The following HIP1 variants were observed in gnomAD, a reference collection of about 807,000 sequenced individuals.
HIP1 encodes the protein huntingtin-interacting protein 1.
Under a neutral mutation model 147.6 loss-of-function variants are expected in HIP1, and 65 were observed. That is an observed-to-expected ratio of 0.44 (90% confidence interval 0.36 to 0.54). The LOEUF is 0.54. Among genes scored for constraint, HIP1 ranks in the 20% least tolerant of loss-of-function variants. The pLI, the probability that HIP1 is intolerant of heterozygous loss-of-function variation, is 0.00. For missense variants in HIP1, 1,061 were observed against 1,299.6 expected (o/e 0.82, Z 2.82); for synonymous variants, 479 against 504.0 (o/e 0.95, Z 0.67).
chr7:75,561,497 A>G (rs1183684583), intron 12 of HIP1, 96 bp from the exon 13 acceptor site: 1 of 813,694 alleles, frequency 1.2e-6, no homozygotes, highest in African/African-American at 1.7e-5. Flanking sequence ...GCTGGTATTA[A>G]TTTGGGGACA....
chr7:75,699,641 C>T (rs1369688867), intron 1 of HIP1, among the ~76,000 whole-genome samples: 1 of 152,216 alleles, frequency 6.6e-6, no homozygotes, highest in Non-Finnish European at 1.5e-5. Context: ...GCCTCTGCTG[C>T]AGAGTGGTCT....
intron 1 of HIP1, among the ~76,000 whole-genome samples, chr7:75,634,158 G>A (rs1554509317): frequency 6.6e-6 from 1 of 152,074 alleles, no homozygotes; most frequent in African/African-American, 2.4e-5. Flanking sequence ...TACTTGGGAG[G>A]CCGAGATGGG....
At chr7:75,648,734 G>A (rs76362633) in intron 1 of HIP1, among the ~76,000 whole-genome samples, 9,008 of 152,164 alleles carry the variant, frequency 0.059, 358 homozygotes, top group Middle Eastern at 0.11. Context: ...GACATGAGAC[G>A]TGCTGTGGGA....
At chr7:75,633,479 G>C (rs1798310135) in intron 1 of HIP1, among the ~76,000 whole-genome samples, 2 of 152,066 alleles carry the variant, frequency 1.3e-5, no homozygotes, top group African/African-American at 4.8e-5. Flanking sequence ...TTTTAGTAGA[G>C]ATGGGTTTCA....
chr7:75,710,738 T>G (rs1801145113), intron 1 of HIP1, among the ~76,000 whole-genome samples: 1 of 152,180 alleles, frequency 6.6e-6, no homozygotes, highest in Non-Finnish European at 1.5e-5. Context: ...CACTGCTACC[T>G]GGGCAATACG....
chr7:75,666,752 C>A (rs1198819332), intron 1 of HIP1, among the ~76,000 whole-genome samples: 1 of 152,060 alleles, frequency 6.6e-6, no homozygotes, highest in African/African-American at 2.4e-5. Flanking sequence ...CAGTTCCCGA[C>A]CCCAAGAACG....
intron 1 of HIP1, among the ~76,000 whole-genome samples, chr7:75,706,677 A>G: frequency 9.1e-6 from 1 of 109,994 alleles, no homozygotes; most frequent in East Asian, 2.5e-4. Context: ...ACATGTGCAC[A>G]TTGTGCAGGT....
chr7:75,607,228 G>T (rs56212575), intron 1 of HIP1, among the ~76,000 whole-genome samples: 12,229 of 139,014 alleles, frequency 0.088, 1,032 homozygotes, highest in African/African-American at 0.22. Flanking sequence ...GTTGTTTTTT[G>T]TTTTGTTTTT....
intron 1 of HIP1, among the ~76,000 whole-genome samples, chr7:75,714,990 A>C (rs1411612352): frequency 6.6e-6 from 1 of 151,970 alleles, no homozygotes; most frequent in Non-Finnish European, 1.5e-5. Context: ...CATGACCTTC[A>C]CACTTTGGAA....
intron 1 of HIP1, among the ~76,000 whole-genome samples, chr7:75,649,594 C>T (rs1798908619): frequency 6.6e-6 from 1 of 152,104 alleles, no homozygotes; most frequent in Non-Finnish European, 1.5e-5. Flanking sequence ...GCCTGGGCCC[C>T]GCCCCAGGGA....
At chr7:75,624,115 G>A (rs1461480820) in intron 1 of HIP1, among the ~76,000 whole-genome samples, 12 of 152,134 alleles carry the variant, frequency 7.9e-5, no homozygotes, top group African/African-American at 2.7e-4. Flanking sequence ...CACAGACCTC[G>A]CTGATCTCAG....
At chr7:75,591,740 AG>A (rs1563227165) in intron 4 of HIP1, among the ~76,000 whole-genome samples, 1 of 150,702 alleles carries the variant, frequency 6.6e-6, no homozygotes, top group Non-Finnish European at 1.5e-5. Flanking sequence ...AAAAAAAAAA[AG>A]CAGGAAACAT....
At chr7:75,692,158 C>T (rs1321243582) in intron 1 of HIP1, among the ~76,000 whole-genome samples, 1 of 152,184 alleles carries the variant, frequency 6.6e-6, no homozygotes, top group Non-Finnish European at 1.5e-5. Flanking sequence ...CAATTCCACT[C>T]CCCAAAGGCA....
intron 1 of HIP1, among the ~76,000 whole-genome samples, chr7:75,617,879 A>G (rs1554506389): frequency 6.6e-6 from 1 of 152,212 alleles, no homozygotes; most frequent in African/African-American, 2.4e-5. Flanking sequence ...CCCATTCATC[A>G]TAGTCACTGG....
chr7:75,541,484 T>G (rs1235211835), intron 29 of HIP1, among the ~76,000 whole-genome samples: 45 of 146,628 alleles, frequency 3.1e-4, no homozygotes, highest in African/African-American at 1.0e-3. Flanking sequence ...TGAGCCGAGA[T>G]CACACCACTG....
intron 22 of HIP1, 107 bp from the exon 23 acceptor site, chr7:75,549,108 C>T: frequency 1.3e-6 from 1 of 759,616 alleles, no homozygotes; most frequent in Non-Finnish European, 2.3e-6. Context: ...ACCCAGCAAA[C>T]ACCTTCTGCA....
chr7:75,643,329 C>T (rs1256196145), intron 1 of HIP1, among the ~76,000 whole-genome samples: 3 of 152,152 alleles, frequency 2.0e-5, no homozygotes, highest in Non-Finnish European at 2.9e-5. Flanking sequence ...TTTCATTTCA[C>T]CCTTAAAAAG....
At chr7:75,671,821 G>A (rs553718042) in intron 1 of HIP1, among the ~76,000 whole-genome samples, 80 of 151,634 alleles carry the variant, frequency 5.3e-4, no homozygotes, top group African/African-American at 1.6e-3. Flanking sequence ...TGCAACCTCC[G>A]CCTCCCAGGT....
chr7:75,588,469 G>T (rs1382672022), intron 4 of HIP1, among the ~76,000 whole-genome samples: 1 of 152,146 alleles, frequency 6.6e-6, no homozygotes, highest in East Asian at 1.9e-4. Flanking sequence ...TATATGCAGG[G>T]CATAATAAAT....
Sources: allele counts gnomAD v4.1 joint callset (sites outside exome capture counted in the v4.1 genomes callset), GRCh38; gene constraint gnomAD v4.1.1; transcripts MANE v1.5; gene names NCBI Gene and HGNC (gene_info 2026-07-23, HGNC 2026-07-21).